The following SLIT3 variants were observed in gnomAD, a reference collection of about 807,000 sequenced individuals.
SLIT3 encodes slit guidance ligand 3, also known as slit homolog 3 protein.
In SLIT3, 68 loss-of-function variants were observed where a neutral mutation model predicts 184.0. That is an observed-to-expected ratio of 0.37 (90% confidence interval 0.30 to 0.45). The LOEUF is 0.45. SLIT3 is among the 20% of genes least tolerant of loss of function. SLIT3 has a pLI of 1.00. For missense variants in SLIT3, 1,707 were observed against 2,026.0 expected, an observed-to-expected ratio of 0.84 and a Z score of 3.02; for synonymous variants, 831 against 828.6, an observed-to-expected ratio of 1.00 and a Z score of -0.05.
chr5:168,985,547 C>G (rs2113369193), intron 4 of SLIT3, among the ~76,000 whole-genome samples: 1 of 152,298 alleles, frequency 6.6e-6, no homozygotes, highest in Non-Finnish European at 1.5e-5. Flanking sequence ...CTGCAACAGC[C>G]CTCATTTTTA....
Position 168,752,991 on chromosome 5 carries a change from G to A in SLIT3, c.1937C>T (p.Pro646Leu). The A allele has an allele frequency of 1.2e-6, 2 of 1,614,116 alleles. No homozygotes were observed. The highest frequency in any genetic ancestry group is 1.7e-6 in the Non-Finnish European group (2 of 1,180,016). Reference sequence around the variant, plus strand: ...GGAGACAAGCGTGGTGAAGGCCCCAGGGGTGATGGTGGTGATCCGATTGTC... The same window carrying A: ...GGAGACAAGCGTGGTGAAGGCCCCAAGGGTGATGGTGGTGATCCGATTGTC... ...LYDNRITTIT[P>L]GAFTTLVSLS... The change falls in exon 18 of 36, where the codon CCT (proline) becomes CTT (leucine). Residue 646 changes from proline (P) to leucine (L), a missense_variant. Pro to Leu is a moderately conservative substitution (Grantham distance 98). This residue lies in a region of SLIT3 where 1,307 missense variants were observed against 1,511.6 expected (regional missense o/e 0.86). Transcript: ENST00000519560.
chr5:168,772,541 G>A (rs138815800), intron 14 of SLIT3: 409 of 526,348 alleles, frequency 7.8e-4, no homozygotes, highest in African/African-American at 7.2e-3. Flanking sequence ...TGTCTCCCCT[G>A]CAACCGTCTC....
chr5:168,774,448 G>A, intron 12 of SLIT3, 70 bp from the exon 13 acceptor site: 1 of 1,478,552 alleles, frequency 6.8e-7, no homozygotes, highest in East Asian at 2.3e-5. Context: ...GGTTGCACCT[G>A]CAGGGGATGG....
At chr5:169,134,402 C>T (rs1299676455) in intron 4 of SLIT3, among the ~76,000 whole-genome samples, 3 of 152,198 alleles carry the variant, frequency 2.0e-5, no homozygotes, top group Admixed American at 2.0e-4. Context: ...GGTCTTCATG[C>T]TTGCTGCTCC....
At chr5:168,776,310 C>G (rs983528158) in intron 12 of SLIT3, among the ~76,000 whole-genome samples, 2 of 152,190 alleles carry the variant, frequency 1.3e-5, no homozygotes, top group Non-Finnish European at 2.9e-5. Context: ...AGAAGAACGG[C>G]CTGTTTAATC....
At chr5:168,751,002 G>A (rs1028251699) in intron 18 of SLIT3, among the ~76,000 whole-genome samples, 5 of 152,004 alleles carry the variant, frequency 3.3e-5, no homozygotes, top group Non-Finnish European at 1.5e-5. Context: ...GGGTAGAACG[G>A]GGTGAGGCAG....
chr5:168,832,516 T>C (rs1208097247), intron 6 of SLIT3, among the ~76,000 whole-genome samples: 2 of 152,250 alleles, frequency 1.3e-5, no homozygotes, highest in African/African-American at 2.4e-5. Flanking sequence ...GTCAGGTTTT[T>C]GGCATCTTTT....
intron 4 of SLIT3, among the ~76,000 whole-genome samples, chr5:168,934,142 C>G (rs1453789266): frequency 6.6e-6 from 1 of 152,200 alleles, no homozygotes; most frequent in African/African-American, 2.4e-5. Flanking sequence ...CTTTATTGTC[C>G]TCTAAAGAGA....
intron 4 of SLIT3, among the ~76,000 whole-genome samples, chr5:169,145,468 T>C (rs1182188663): frequency 1.3e-5 from 2 of 152,170 alleles, no homozygotes; most frequent in African/African-American, 2.4e-5. Flanking sequence ...AATGAGGCTC[T>C]CCATGTAAAA....
chr5:168,776,387 A>T (rs1755748271), intron 12 of SLIT3, among the ~76,000 whole-genome samples: 1 of 152,210 alleles, frequency 6.6e-6, no homozygotes, highest in African/African-American at 2.4e-5. Context: ...TGGAAAAAAA[A>T]TGCTCATACT....
At chr5:169,254,648 T>C (rs985705092) in intron 1 of SLIT3, among the ~76,000 whole-genome samples, 11 of 152,142 alleles carry the variant, frequency 7.2e-5, no homozygotes, top group African/African-American at 2.7e-4. Context: ...AGGGGCTTGC[T>C]CTCTCGCTCC....
At chr5:168,741,545 G>C (rs955795575) in intron 20 of SLIT3, among the ~76,000 whole-genome samples, 2 of 151,116 alleles carry the variant, frequency 1.3e-5, no homozygotes, top group Non-Finnish European at 2.9e-5. Flanking sequence ...GTTAGTTGCT[G>C]TGCTTAACTC....
chr5:169,300,387 C>T lies in SLIT3; in HGVS notation c.197+126G>A. The stretch of plus-strand genomic sequence containing the variant: ...CAGCTCGGAGAGTGAGGGATCGTAT[C>T]CAGGAAGGGATGAGAATAGAGACTG... On this transcript the variant is annotated intron_variant, in intron 1 of 35. Transcript: ENST00000519560. This position sits in a 1 kb window ranked among gnomAD's most constrained non-coding sequence, Gnocchi z 4.1. The T allele has an allele frequency of 8.3e-7, 1 of 1,211,630 alleles. No homozygotes were observed. The highest frequency in any genetic ancestry group is 1.1e-6 in the Non-Finnish European group (1 of 936,464). The allele number at this position is 1,211,630 out of a possible 1,614,324, so 75.1% of individuals were successfully genotyped here.
intron 5 of SLIT3, among the ~76,000 whole-genome samples, chr5:168,874,261 T>A (rs973013309): frequency 1.2e-4 from 19 of 152,204 alleles, no homozygotes; most frequent in African/African-American, 4.6e-4. Flanking sequence ...TGAAAAAACA[T>A]CAGTGCTTCT....
chr5:168,933,861 AGAG>A (rs1249982486), intron 4 of SLIT3, among the ~76,000 whole-genome samples: 1 of 152,202 alleles, frequency 6.6e-6, no homozygotes, highest in Non-Finnish European at 1.5e-5. Flanking sequence ...AGATGATTTA[AGAG>A]GAGGAGCCTG....
Position 169,273,966 on chromosome 5 carries a change from C to G in SLIT3, c.198-22507G>C, listed in dbSNP as rs150509785. Among the ~76,000 whole-genome samples the G allele has an allele frequency of 2.0e-3, 298 of 152,282 alleles. 2 individuals carry two copies. Among genetic ancestry groups the G allele is most frequent in the African/African-American group, 6.9e-3 (285 of 41,564 alleles). On this transcript the variant is annotated intron_variant, in intron 1 of 35. Coordinates refer to ENST00000519560, the MANE Select transcript of SLIT3 (RefSeq NM_003062.4). ...ATAATCCAAAATAACAATCAAGCAACCTTGTACCAGGCACTGTACAATACT... is the reference window on the plus strand; with the variant it reads ...ATAATCCAAAATAACAATCAAGCAAGCTTGTACCAGGCACTGTACAATACT...
intron 18 of SLIT3, among the ~76,000 whole-genome samples, chr5:168,750,798 G>A (rs1754670217): frequency 6.6e-6 from 1 of 151,818 alleles, no homozygotes; most frequent in Non-Finnish European, 1.5e-5. Flanking sequence ...TTGTGCTCTT[G>A]GCACAGATCT....
intron 3 of SLIT3, among the ~76,000 whole-genome samples, chr5:169,224,179 T>C (rs890781172): frequency 6.6e-6 from 1 of 152,102 alleles, no homozygotes; most frequent in African/African-American, 2.4e-5. Flanking sequence ...GGGATGATAA[T>C]ATGCACTCCA....
At chr5:169,282,508 G>C (rs986402713) in intron 1 of SLIT3, among the ~76,000 whole-genome samples, 1 of 152,150 alleles carries the variant, frequency 6.6e-6, no homozygotes, top group African/African-American at 2.4e-5. Flanking sequence ...TCCATAGAAC[G>C]TTCTCACAAA....
Sources: gnomAD v4.1 joint callset for allele counts (sites outside exome capture counted in the v4.1 genomes callset) on GRCh38, gnomAD v4.1.1 for gene constraint, gnomAD v4.1.1 regional missense constraint, Gnocchi (gnomAD v3.1) non-coding constraint, MANE v1.5 for transcripts, NCBI Gene and HGNC (gene_info 2026-07-23, HGNC 2026-07-21) for gene names.